STRIP2: variants seen among roughly 807,000 people sequenced by gnomAD.
STRIP2 encodes striatin-interacting protein 2.
In STRIP2, 84 loss-of-function variants were observed where a neutral mutation model predicts 107.1. The ratio of observed to expected loss-of-function variants is 0.78; its 90% CI spans 0.66 to 0.94. STRIP2 has a LOEUF of 0.94. Among genes scored for constraint, STRIP2 ranks in the 40% least tolerant of loss-of-function variants. The probability of loss-of-function intolerance (pLI) is 0.00; values close to 1 mark genes in which losing one functional copy is unlikely to be tolerated. For synonymous variants in STRIP2, 394 were observed against 400.4 expected, an observed-to-expected ratio of 0.98 and a Z score of 0.19; for missense variants, 888 against 1,034.2, an observed-to-expected ratio of 0.86 and a Z score of 1.94.
chr7:129,462,882 T>C, intron 13 of STRIP2, 84 bp from the exon 14 acceptor site: 1 of 1,048,264 alleles, frequency 9.5e-7, no homozygotes, highest in Non-Finnish European at 1.5e-6. Flanking sequence ...AGTGCTCTTT[T>C]CAGGTCACCC....
rs532274963 is a variant in STRIP2 at position 129,483,902 on chromosome 7, C to T, written c.2254+856C>T. ...TACAGATGCATACCACCACTACACC[C>T]GGCTAATTTTTCAAATTTTTTTGTA... On this transcript the variant is annotated intron_variant, in intron 20 of 20. Coordinates refer to ENST00000249344, the MANE Select transcript of STRIP2 (RefSeq NM_020704.3). The surrounding 1 kb of genome is among the most constrained non-coding windows in gnomAD (Gnocchi z 5.1). 3.9e-5 allele frequency among the ~76,000 whole-genome samples: 6 copies of T among 152,136 alleles called. No individual in the cohort carries two copies. Among genetic ancestry groups the T allele is most frequent in the Non-Finnish European group, 5.9e-5 (4 of 68,010 alleles).
intron 9 of STRIP2, among the ~76,000 whole-genome samples, chr7:129,457,708 C>T (rs1349388439): frequency 1.3e-5 from 2 of 152,128 alleles, no homozygotes; most frequent in African/African-American, 4.8e-5. Flanking sequence ...AAAAATCACC[C>T]ACAATCTTAA....
chr7:129,444,692 T>C (rs926516163), intron 3 of STRIP2, among the ~76,000 whole-genome samples: 13 of 152,156 alleles, frequency 8.5e-5, no homozygotes, highest in Non-Finnish European at 1.5e-4. Flanking sequence ...CCTGAGATCA[T>C]ACATAATCTT....
rs1798313043 is a variant in STRIP2, at chr7:129,455,283, T to G, written c.746T>G (p.Leu249Arg). 1 of 1,613,974 alleles carries G rather than the reference T, an allele frequency of 6.2e-7. No homozygotes were observed. The highest frequency in any genetic ancestry group is 8.5e-7 in the Non-Finnish European group (1 of 1,179,922). ...MHNEEPFALL[L>R]FSMVTKFCSG... The stretch of plus-strand genomic sequence containing the variant: ...AATGAGGAGCCTTTTGCCCTTTTAC[T>G]CTTCTCCATGGTTACCAAGTTCTGC... The change falls in exon 8 of 21, where the codon CTC becomes CGC. Residue 249 changes from leucine to arginine, a missense_variant. Transcript: ENST00000249344.
At position 129,458,581 on chromosome 7, in the gene STRIP2, T is replaced by C. The variant is rs1447824092; in HGVS notation, c.1274+131T>C. 1.3e-5 allele frequency: 17 copies of C among 1,265,776 alleles called. No individual in the cohort carries two copies. The highest frequency in any genetic ancestry group is 1.4e-5 in the Non-Finnish European group (13 of 901,224). The allele number at this position is 1,265,776 out of a possible 1,614,324, so 78.4% of individuals were successfully genotyped here. A position where few individuals can be genotyped will look rare whatever the true frequency, so the allele number is the denominator to read the frequency against. On this transcript the variant is annotated intron_variant, in intron 10 of 20. Coordinates refer to ENST00000249344, the MANE Select transcript of STRIP2 (RefSeq NM_020704.3). This position sits in a 1 kb window ranked among gnomAD's most constrained non-coding sequence, Gnocchi z 4.6. ...TCAGAACTCCTGGGTTTGAAATTCC[T>C]TCTGTTGATTGCTGCCTTTTTCCAC... is the stretch of plus-strand genomic sequence containing the variant.
At chr7:129,474,502 A>G (rs1242976854) in intron 18 of STRIP2, among the ~76,000 whole-genome samples, 1 of 151,586 alleles carries the variant, frequency 6.6e-6, no homozygotes, top group African/African-American at 2.4e-5. Context: ...TTAGATTCCT[A>G]GAAGTGGAAT....
rs1424944608 is a variant in STRIP2, at chr7:129,437,801, G to GT, written c.130-2212dup. Among the ~76,000 whole-genome samples the GT allele has an allele frequency of 2.2e-3, 65 of 29,204 alleles. 2 individuals are homozygous for GT. Among genetic ancestry groups the GT allele is most frequent in the African/African-American group, 4.4e-3 (46 of 10,342 alleles). 19.2% of individuals were successfully genotyped at this position (29,204 alleles called of 152,430 possible). A position where few individuals can be genotyped will look rare whatever the true frequency, so the allele number is the denominator to read the frequency against. On this transcript the variant is annotated intron_variant, in intron 1 of 20. Transcript: ENST00000249344. ...AGTGGATTAAAACATGATTCGCCTT[G>GT]TTTTTTTTTGTTTTTTTTTTTTTTG...
intron 4 of STRIP2, 121 bp downstream of exon 4, chr7:129,451,868 G>A: frequency 1.6e-6 from 2 of 1,214,502 alleles, no homozygotes; most frequent in Non-Finnish European, 2.3e-6. Context: ...CTCAAGGACA[G>A]ATCTTGTCAT....
Position 129,440,003 on chromosome 7 carries a change from C to G in STRIP2, c.130-19C>G. ...TTTTCCAAGTTATCCCAGTTACCAA[C>G]AAAATTTCTCTGTTACAGGGCTCTG... is the stretch of plus-strand genomic sequence containing the variant. On this transcript the variant is annotated intron_variant, in intron 1 of 20. Transcript: ENST00000249344. 6.2e-7 allele frequency: 1 copy of G among 1,612,032 alleles called. No individual in the cohort carries two copies. The highest frequency in any genetic ancestry group is 8.5e-7 in the Non-Finnish European group (1 of 1,178,154).
intron 3 of STRIP2, among the ~76,000 whole-genome samples, chr7:129,450,958 A>G (rs988996449): frequency 2.5e-5 from 2 of 81,196 alleles, no homozygotes; most frequent in Non-Finnish European, 4.1e-5. Context: ...TTTTTTTGAG[A>G]CGGAGTCTCG....
At chr7:129,443,749 T>C (rs1296321480) in intron 2 of STRIP2, among the ~76,000 whole-genome samples, 1 of 152,226 alleles carries the variant, frequency 6.6e-6, no homozygotes. Context: ...AAGCTCTCTG[T>C]GCTGCAGTCC....
rs189697664 is a variant in STRIP2 at position 129,482,643 on chromosome 7, G to A, written c.2050-199G>A. ...TCCACTGGCTTCGGCCTCCCAAAGT[G>A]CTGGGATTACAGACATGAGCCACCT... On this transcript the variant is annotated intron_variant, in intron 19 of 20. Coordinates refer to ENST00000249344, the MANE Select transcript of STRIP2 (RefSeq NM_020704.3). 2.2e-3 allele frequency among the ~76,000 whole-genome samples: 334 copies of A among 152,072 alleles called. 1 individual carries two copies. Among genetic ancestry groups the A allele is most frequent in the African/African-American group, 7.5e-3 (310 of 41,476 alleles).
rs765021830 is a variant in STRIP2 at position 129,454,109 on chromosome 7, T to C, written c.531-33T>C. The C allele has an allele frequency of 6.2e-6, 10 of 1,600,016 alleles. No individual in the cohort carries two copies. The Middle Eastern group carries it at 4.9e-4, about 79-fold the overall frequency. On this transcript the variant is annotated intron_variant, in intron 5 of 20. Coordinates refer to ENST00000249344, the MANE Select transcript of STRIP2 (RefSeq NM_020704.3). ...GAGCACAGAGAGAAAAGAAGTCTTA[T>C]GCATTCCTGTTCTTTTTCTCCTCCC...
At chr7:129,485,469 AAAAG>A (rs1476832640) in intron 20 of STRIP2, 106 bp from the exon 21 acceptor site, 855 of 1,272,584 alleles carry the variant, frequency 6.7e-4, no homozygotes, top group Non-Finnish European at 8.4e-4. Flanking sequence ...AAAAAAAAAA[AAAAG>A]AATTTCTGAG....
rs747564151 is a variant in STRIP2, at chr7:129,464,605, A to G, written c.1650-7A>G. The G allele has an allele frequency of 1.4e-5, 22 of 1,613,698 alleles. No homozygotes were observed. In the South Asian group the frequency reaches 1.9e-4, roughly 14 times the overall value. On this transcript the variant is annotated splice_polypyrimidine_tract_variant and splice_region_variant and intron_variant, in intron 15 of 20. Transcript: ENST00000249344. ...CTCTGCACTAATACCTTCTCTCCCCATTGTAGCATCACTGTTCTCCAGAGC... is the reference window on the plus strand; with the variant it reads ...CTCTGCACTAATACCTTCTCTCCCCGTTGTAGCATCACTGTTCTCCAGAGC...
chr7:129,456,141 C>CTTTTTTTTTTTTTTT lies in STRIP2; in HGVS notation c.835-290_835-289insTTTTTTTTTTTTTTT, dbSNP rs775446984. ...TGTTCCTTAAAAAAGTCGATAGTTT[C>CTTTTTTTTTTTTTTT]TTTTTTTTCTTTTTTTTTTTTTTTG... On this transcript the variant is annotated intron_variant, in intron 8 of 20. Coordinates refer to ENST00000249344, the MANE Select transcript of STRIP2 (RefSeq NM_020704.3). Among the ~76,000 whole-genome samples, 3 of 81,008 alleles carry CTTTTTTTTTTTTTTT rather than the reference C, an allele frequency of 3.7e-5. 1 individual carries two copies. Among genetic ancestry groups the CTTTTTTTTTTTTTTT allele is most frequent in the African/African-American group, 3.7e-5 (1 of 26,754 alleles). 53.1% of individuals were successfully genotyped at this position (81,008 alleles called of 152,430 possible).
Position 129,456,522 on chromosome 7 carries a change from C to T in STRIP2, c.918C>T (p.Asp306=). 18 of 1,614,108 alleles carry T rather than the reference C, an allele frequency of 1.1e-5. No individual in the cohort carries two copies. The highest frequency in any genetic ancestry group is 1.5e-5 in the Non-Finnish European group (18 of 1,180,022). ...AELGLPPLAE[D]SIQVVKSMRA... is the part of the protein sequence containing the mutation. ...TGGGCCTGCCTCCACTGGCTGAAGACAGTATCCAGGTGGTGAAGAGCATGC... is the reference window on the plus strand; with the variant it reads ...TGGGCCTGCCTCCACTGGCTGAAGATAGTATCCAGGTGGTGAAGAGCATGC... The change falls in exon 9 of 21, where the codon GAC becomes GAT. Residue 306 remains aspartate (D), a synonymous_variant. Coordinates refer to ENST00000249344, the MANE Select transcript of STRIP2 (RefSeq NM_020704.3).
rs1799225906 is a variant in STRIP2, at chr7:129,485,596, T to C, written c.2272T>C (p.Trp758Arg). The C allele has an allele frequency of 2.5e-6, 4 of 1,613,800 alleles. No individual in the cohort carries two copies. The highest frequency in any genetic ancestry group is 3.4e-6 in the Non-Finnish European group (4 of 1,179,974). The change falls in exon 21 of 21, where the codon TGG becomes CGG. Residue 758 changes from tryptophan to arginine, a missense_variant. Trp to Arg is a moderately radical substitution (Grantham distance 101). Coordinates refer to ENST00000249344, the MANE Select transcript of STRIP2 (RefSeq NM_020704.3). ...AYGNDIDARP[W>R]DFQAEECTLR... ...CAACACAGACATCGATGCCAGACCA[T>C]GGGACTTCCAAGCAGAAGAATGTAC...
Position 129,453,359 on chromosome 7 carries a change from T to C in STRIP2, c.530+12T>C, listed in dbSNP as rs373917929. The C allele has an allele frequency of 3.0e-5, 49 of 1,613,902 alleles. No individual in the cohort carries two copies. In the East Asian group the frequency reaches 3.1e-4, roughly 10 times the overall value. On this transcript the variant is annotated intron_variant, in intron 5 of 20. Coordinates refer to ENST00000249344, the MANE Select transcript of STRIP2 (RefSeq NM_020704.3). ...CACATGGAAATTGAGTGAGAAGCCT[T>C]AGGGGAAGGGCTGGCCTACATAACC...
Sources: allele counts gnomAD v4.1 joint callset (sites outside exome capture counted in the v4.1 genomes callset), GRCh38; gene constraint gnomAD v4.1.1; non-coding constraint Gnocchi (gnomAD v3.1); transcripts MANE v1.5; gene names NCBI Gene and HGNC (gene_info 2026-07-23, HGNC 2026-07-21).